The following WDHD1 variants were observed in gnomAD, a reference collection of about 807,000 sequenced individuals.
The protein encoded by WDHD1 is WD repeat and HMG-box DNA binding protein 1.
WDHD1 carries 111 observed loss-of-function variants against 135.4 expected under a neutral mutation model. That is an observed-to-expected ratio of 0.82 (90% CI 0.70 to 0.96). WDHD1 has a LOEUF of 0.96. WDHD1 is among the 40% of genes least tolerant of loss of function. WDHD1 has a pLI of 0.00. For missense variants in WDHD1, 1,351 were observed against 1,336.3 expected (o/e 1.01, Z -0.17); for synonymous variants, 434 against 439.0 (o/e 0.99, Z 0.14).
intron 24 of WDHD1, among the ~76,000 whole-genome samples, chr14:54,954,823 G>A (rs574584503): frequency 2.4e-4 from 37 of 152,132 alleles, no homozygotes; most frequent in African/African-American, 4.6e-4. Context: ...TCCGCGTCCC[G>A]GGTTCAAGTG....
chr14:54,967,239 T>C, intron 17 of WDHD1, 41 bp downstream of exon 17: 1 of 1,446,934 alleles, frequency 6.9e-7, no homozygotes, highest in Non-Finnish European at 9.7e-7. Context: ...ACAGGTGCTG[T>C]ATTATCAAAT....
intron 15 of WDHD1, among the ~76,000 whole-genome samples, chr14:54,983,410 C>T (rs1233430790): frequency 6.6e-6 from 1 of 151,752 alleles, no homozygotes; most frequent in African/African-American, 2.4e-5. Flanking sequence ...CGGTGGCTCA[C>T]GCCTGTAATC....
At chr14:54,972,591 T>A (rs4047200) in intron 16 of WDHD1, among the ~76,000 whole-genome samples, 8,884 of 29,204 alleles carry the variant, frequency 0.3, 1,747 homozygotes, top group African/African-American at 0.55. Flanking sequence ...AAAAAAAAAA[T>A]GCCAATGAGG....
chr14:54,991,700 A>AT lies in WDHD1; in HGVS notation c.1154-301dup, dbSNP rs965588165. Among the ~76,000 whole-genome samples, 114 of 150,728 alleles carry AT rather than the reference A, an allele frequency of 7.6e-4. 1 individual carries two copies. Among genetic ancestry groups the AT allele is most frequent in the African/African-American group, 2.4e-3 (100 of 41,162 alleles). On this transcript the variant is annotated intron_variant, in intron 11 of 25. Coordinates refer to ENST00000360586, the MANE Select transcript of WDHD1 (RefSeq NM_007086.4). ...TTATTAAATCTTGACGCTTACACAG[A>AT]TTTTTTTTTTAAAGTTCTGTGTGCT... is the stretch of plus-strand genomic sequence containing the variant.
At chr14:54,957,288 G>C in intron 22 of WDHD1, 84 bp from the exon 23 acceptor site, 1 of 1,449,284 alleles carries the variant, frequency 6.9e-7, no homozygotes, top group South Asian at 1.4e-5. Flanking sequence ...TGAAATTTCT[G>C]TTAAGTTTGT....
intron 15 of WDHD1, among the ~76,000 whole-genome samples, chr14:54,984,368 G>A (rs1167565949): frequency 6.6e-6 from 1 of 152,126 alleles, no homozygotes; most frequent in Non-Finnish European, 1.5e-5. Context: ...GGTGGCACAT[G>A]CCTGTAGTCC....
intron 18 of WDHD1, among the ~76,000 whole-genome samples, chr14:54,964,472 C>A (rs1305838014): frequency 6.6e-6 from 1 of 151,954 alleles, no homozygotes; most frequent in Non-Finnish European, 1.5e-5. Flanking sequence ...AACACAGTCT[C>A]TATTAAAAAT....
At chr14:54,947,872 G>A (rs552146176) in intron 24 of WDHD1, among the ~76,000 whole-genome samples, 27 of 151,884 alleles carry the variant, frequency 1.8e-4, no homozygotes, top group South Asian at 8.4e-4. Flanking sequence ...GATTACAGGC[G>A]TGAGCCACTG....
intron 15 of WDHD1, among the ~76,000 whole-genome samples, chr14:54,983,670 A>T (rs1170181705): frequency 7.3e-6 from 1 of 136,446 alleles, no homozygotes; most frequent in African/African-American, 3.1e-5. Flanking sequence ...AAGACTCCTA[A>T]TTTATTCCTT....
chr14:54,997,156 C>T (rs966365570), intron 10 of WDHD1, among the ~76,000 whole-genome samples: 10 of 138,186 alleles, frequency 7.2e-5, no homozygotes, highest in Non-Finnish European at 1.1e-4. Context: ...AGTGCAGTGG[C>T]GTGATCTTGG....
intron 2 of WDHD1, among the ~76,000 whole-genome samples, chr14:55,021,901 T>C (rs2042354991): frequency 6.6e-6 from 1 of 152,222 alleles, no homozygotes; most frequent in Non-Finnish European, 1.5e-5. Flanking sequence ...AATGATGGCA[T>C]CTTCAATGGT....
rs1277749942 is a variant in WDHD1 at position 54,964,641 on chromosome 14, A to T, written c.2311-1469T>A. Among the ~76,000 whole-genome samples, 8 of 151,700 alleles carry T rather than the reference A, an allele frequency of 5.3e-5. No homozygotes were observed. The East Asian group carries it at 1.5e-3, about 29-fold the overall frequency. On this transcript the variant is annotated intron_variant, in intron 18 of 25. Coordinates refer to ENST00000360586, the MANE Select transcript of WDHD1 (RefSeq NM_007086.4). ...GCAACAGAGCGAGACTTCGTTTCAA[A>T]AAAAAAAAAAGAAATAAAAAGGAAT...
intron 6 of WDHD1, 57 bp from the exon 7 acceptor site, chr14:55,007,432 T>C (rs1595116532): frequency 4.8e-6 from 6 of 1,241,572 alleles, no homozygotes; most frequent in East Asian, 2.4e-5. Flanking sequence ...CCAAAATATA[T>C]GCAGAACTGA....
intron 16 of WDHD1, among the ~76,000 whole-genome samples, chr14:54,974,091 T>TA (rs75249088): frequency 0.015 from 2,112 of 141,136 alleles, 26 homozygotes; most frequent in African/African-American, 0.036. Context: ...AAGAGGAATT[T>TA]AAAAAAAAAA....
At chr14:54,989,299 T>C (rs1011607244) in intron 12 of WDHD1, 87 bp from the exon 13 acceptor site, 11 of 955,534 alleles carry the variant, frequency 1.2e-5, no homozygotes, top group Middle Eastern at 3.4e-4. Context: ...TTAACAAATA[T>C]TATAATTAAA....
chr14:55,019,180 T>C (rs1343618105), intron 2 of WDHD1, among the ~76,000 whole-genome samples: 1 of 152,182 alleles, frequency 6.6e-6, no homozygotes, highest in African/African-American at 2.4e-5. Context: ...AGCAATACCA[T>C]GGGACAGACA....
chr14:54,943,405 T>C (rs2040868992), intron 25 of WDHD1, among the ~76,000 whole-genome samples: 2 of 152,220 alleles, frequency 1.3e-5, no homozygotes, highest in African/African-American at 2.4e-5. Context: ...TTAATTTTTT[T>C]CCCCCTAGAG....
intron 10 of WDHD1, among the ~76,000 whole-genome samples, chr14:55,000,252 A>G (rs1245382112): frequency 6.6e-6 from 1 of 152,182 alleles, no homozygotes; most frequent in Non-Finnish European, 1.5e-5. Context: ...CCTGATACAA[A>G]ATAGTATTTA....
chr14:54,991,387 T>C lies in WDHD1; in HGVS notation c.1167A>G (p.Leu389=). ...CTTTGAGAAGACTAGAACCAGTTTTTAGCATTGAAATATCTACAACACAAA... is the reference window on the plus strand; with the variant it reads ...CTTTGAGAAGACTAGAACCAGTTTTCAGCATTGAAATATCTACAACACAAA... ...DDENSVDISM[L]KTGSSLLKEE... Residue 389 remains leucine, a synonymous_variant, in exon 12 of 26, where the codon CTA becomes CTG. Transcript: ENST00000360586. 1 of 1,613,968 alleles carries C rather than the reference T, an allele frequency of 6.2e-7. No homozygotes were observed. The highest frequency in any genetic ancestry group is 8.5e-7 in the Non-Finnish European group (1 of 1,179,882).
Sources: allele counts gnomAD v4.1 joint callset (sites outside exome capture counted in the v4.1 genomes callset), GRCh38; gene constraint gnomAD v4.1.1; transcripts MANE v1.5; gene names NCBI Gene and HGNC (gene_info 2026-07-23, HGNC 2026-07-21).